SIRPG: variants seen among roughly 807,000 people sequenced by gnomAD.
The protein encoded by SIRPG is signal regulatory protein gamma, also known as signal-regulatory protein gamma.
In SIRPG, 38 loss-of-function variants were observed where a neutral mutation model predicts 35.7. That is an observed-to-expected ratio of 1.06 (90% CI 0.82 to 1.40). The LOEUF is 1.40. Ranked by LOEUF, SIRPG falls within the 40% of genes most tolerant of loss-of-function variation. The pLI, the probability that SIRPG is intolerant of heterozygous loss-of-function variation, is 0.00. For missense variants in SIRPG, 519 were observed against 483.0 expected, an observed-to-expected ratio of 1.07 and a Z score of -0.70; for synonymous variants, 215 against 190.4, an observed-to-expected ratio of 1.13 and a Z score of -1.06.
rs9974013 is a variant in SIRPG, at chr20:1,635,472, G to A, written c.876C>T (p.Cys292=). ...TAAGGGTCGAGGCTGTTTCTCTCTG[G>A]CACACGTTTCCATTCTCCGACCAGG... ...QLTWSENGNV[C]QRETASTLTE... is the part of the protein sequence containing the mutation. Residue 292 remains cysteine, a synonymous_variant, in exon 4 of 6, where the codon TGC becomes TGT. Coordinates refer to ENST00000303415, the MANE Select transcript of SIRPG (RefSeq NM_018556.4). 3.5e-3 allele frequency: 5,681 copies of A among 1,614,122 alleles called. 137 individuals carry two copies. In the African/African-American group the frequency reaches 0.062, roughly 18 times the overall value.
the SIRPG span, chr20:1,670,917 A>G: frequency 3.0e-6 from 1 of 327,982 alleles, no homozygotes; most frequent in Non-Finnish European, 6.2e-6. Flanking sequence ...TCCCACAAAG[A>G]GGGTCCCCCT....
chr20:1,640,671 G>A (rs148544540), intron 2 of SIRPG, among the ~76,000 whole-genome samples: 44 of 152,156 alleles, frequency 2.9e-4, no homozygotes, highest in East Asian at 1.2e-3. Flanking sequence ...TAGAGAGGGC[G>A]TCCTTGTCTT....
rs199938326 is a variant in SIRPG, at chr20:1,657,748, G to A, written c.-34C>T. The A allele has an allele frequency of 9.6e-5, 154 of 1,598,546 alleles. No homozygotes were observed. The highest frequency in any genetic ancestry group is 1.0e-4 in the Admixed American group (6 of 59,766). On this transcript the variant is annotated 5_prime_UTR_variant, in exon 1 of 6. The change creates a new upstream start codon in the 5' untranslated region. Coordinates refer to ENST00000303415, the MANE Select transcript of SIRPG (RefSeq NM_018556.4). Reference sequence around the variant, plus strand: ...CCTCAGAAGCCTGCTCTGTTCAAACGTCTGTTCTGGGGAGATGTCAGGCCC... The same window carrying A: ...CCTCAGAAGCCTGCTCTGTTCAAACATCTGTTCTGGGGAGATGTCAGGCCC...
At chr20:1,677,240 C>A in the SIRPG span, among the ~76,000 whole-genome samples, 4 of 152,122 alleles carry the variant, frequency 2.6e-5, no homozygotes, top group Non-Finnish European at 5.9e-5. Context: ...AGCTCCTGAG[C>A]CCTCTTTGGA....
At chr20:1,656,587 G>T (rs373305483) in intron 1 of SIRPG, among the ~76,000 whole-genome samples, 67 of 152,170 alleles carry the variant, frequency 4.4e-4, no homozygotes, top group African/African-American at 1.4e-3. Flanking sequence ...CCCTGTGACC[G>T]GGGGTCAGCT....
chr20:1,657,413 G>A (rs1442552398), intron 1 of SIRPG, among the ~76,000 whole-genome samples: 1 of 152,180 alleles, frequency 6.6e-6, no homozygotes, highest in African/African-American at 2.4e-5. Flanking sequence ...TTATAAAAAT[G>A]TAACTAATTG....
chr20:1,656,929 A>C (rs573986174), intron 1 of SIRPG, among the ~76,000 whole-genome samples: 1 of 152,178 alleles, frequency 6.6e-6, no homozygotes, highest in Admixed American at 6.5e-5. Flanking sequence ...GAGCAGTAGG[A>C]TATAAATAAC....
At chr20:1,661,777 G>A (rs926534384), upstream of SIRPG, among the ~76,000 whole-genome samples, 10 of 152,338 alleles carry the variant, frequency 6.6e-5, no homozygotes, top group East Asian at 7.7e-4. Context: ...AGTTGTGGAT[G>A]TCTGTGCTTG....
intron 1 of SIRPG, among the ~76,000 whole-genome samples, chr20:1,650,630 A>G (rs892421008): frequency 4.6e-5 from 7 of 152,296 alleles, no homozygotes; most frequent in Admixed American, 4.6e-4. Flanking sequence ...GGATTGAAAT[A>G]CACATTATTA....
intron 3 of SIRPG, among the ~76,000 whole-genome samples, chr20:1,635,904 G>A (rs542067195): frequency 7.2e-5 from 11 of 152,258 alleles, no homozygotes; most frequent in South Asian, 2.1e-4. Context: ...TGAAATCGCC[G>A]AGCACATAGG....
intron 1 of SIRPG, among the ~76,000 whole-genome samples, chr20:1,651,834 T>A (rs2091942065): frequency 6.6e-6 from 1 of 152,144 alleles, no homozygotes; most frequent in African/African-American, 2.4e-5. Flanking sequence ...TATTCCAATA[T>A]CAATAATGAC....
chr20:1,633,686 G>C lies in SIRPG; in HGVS notation c.1081+1581C>G, dbSNP rs1476188330. 3 of 152,164 alleles carry C rather than the reference G, an allele frequency of 2.0e-5. No individual in the cohort carries two copies. The East Asian group carries it at 5.8e-4, about 29-fold the overall frequency. The allele number at this position is 152,164 out of a possible 1,614,324, so 9.4% of individuals were successfully genotyped here. A position where few individuals can be genotyped will look rare whatever the true frequency, so the allele number is the denominator to read the frequency against. The stretch of plus-strand genomic sequence containing the variant: ...GGGACATGGAAAAATCCGTGACCTA[G>C]CACTGACCCAGCAGATAAGACTAAC... On this transcript the variant is annotated intron_variant, in intron 4 of 5. Coordinates refer to ENST00000303415, the MANE Select transcript of SIRPG (RefSeq NM_018556.4).
chr20:1,650,264 T>C (rs1023694243), intron 1 of SIRPG, among the ~76,000 whole-genome samples: 5 of 151,906 alleles, frequency 3.3e-5, no homozygotes, highest in Middle Eastern at 3.4e-3. Flanking sequence ...ACCCTTCTGA[T>C]ATGTTGGGTG....
the SIRPG span, among the ~76,000 whole-genome samples, chr20:1,683,909 C>A: frequency 2.0e-5 from 3 of 150,946 alleles, no homozygotes; most frequent in African/African-American, 7.3e-5. Context: ...GTGGAGGCTG[C>A]AGTGAGCCGA....
chr20:1,644,232 G>T (rs1468616367), intron 2 of SIRPG, among the ~76,000 whole-genome samples: 2 of 151,802 alleles, frequency 1.3e-5, no homozygotes, highest in Non-Finnish European at 2.9e-5. Flanking sequence ...CTCAGGCCCA[G>T]GGAGATCAGA....
At chr20:1,680,687 A>T in the SIRPG span, among the ~76,000 whole-genome samples, 1 of 147,820 alleles carries the variant, frequency 6.8e-6, no homozygotes, top group African/African-American at 2.4e-5. Flanking sequence ...TACCATATTT[A>T]TGGAATAAAG....
chr20:1,639,322 A>T (rs897600868), intron 2 of SIRPG, among the ~76,000 whole-genome samples: 2 of 152,046 alleles, frequency 1.3e-5, no homozygotes, highest in Non-Finnish European at 2.9e-5. Flanking sequence ...TCTGACTGGC[A>T]TGAGATGGTA....
the SIRPG span, among the ~76,000 whole-genome samples, chr20:1,680,532 C>A: frequency 6.6e-6 from 1 of 152,140 alleles, no homozygotes; most frequent in Non-Finnish European, 1.5e-5. Flanking sequence ...ATTATTACTG[C>A]TAGGTTTGTT....
intron 2 of SIRPG, among the ~76,000 whole-genome samples, chr20:1,639,568 G>C (rs139049165): frequency 1.3e-5 from 2 of 152,078 alleles, no homozygotes; most frequent in African/African-American, 4.8e-5. Flanking sequence ...CCATTCTGTA[G>C]GTTGCCTGTT....
Sources: gnomAD v4.1 joint callset for allele counts (sites outside exome capture counted in the v4.1 genomes callset) on GRCh38, gnomAD v4.1.1 for gene constraint, MANE v1.5 for transcripts, NCBI Gene and HGNC (gene_info 2026-07-23, HGNC 2026-07-21) for gene names.